CDC42SE2: variants seen among roughly 807,000 people sequenced by gnomAD.
The protein encoded by CDC42SE2 is CDC42 small effector 2, also known as CDC42 small effector protein 2.
A neutral mutation model predicts 11.5 loss-of-function variants in CDC42SE2; 3 were observed. The ratio of observed to expected loss-of-function variants is 0.26; its 90% CI spans 0.12 to 0.67. CDC42SE2 has a LOEUF of 0.67. Among genes scored for constraint, CDC42SE2 ranks in the 30% least tolerant of loss-of-function variants. The pLI, the probability that CDC42SE2 is intolerant of heterozygous loss-of-function variation, is 0.80. For synonymous variants in CDC42SE2, 33 were observed against 34.8 expected, an observed-to-expected ratio of 0.95 and a Z score of 0.18; for missense variants, 82 against 106.8, an observed-to-expected ratio of 0.77 and a Z score of 1.02.
intron 1 of CDC42SE2, among the ~76,000 whole-genome samples, chr5:131,308,415 C>T (rs1309220281): frequency 6.6e-6 from 1 of 152,028 alleles, no homozygotes; most frequent in East Asian, 1.9e-4. Flanking sequence ...TTAGGATTGA[C>T]TTGGTGATGC....
At chr5:131,317,157 C>T (rs1758058911) in intron 2 of CDC42SE2, among the ~76,000 whole-genome samples, 1 of 151,970 alleles carries the variant, frequency 6.6e-6, no homozygotes, top group South Asian at 2.1e-4. Flanking sequence ...CTGCTTCCCT[C>T]TAGGATTATG....
chr5:131,222,471 C>G, the CDC42SE2 span, among the ~76,000 whole-genome samples: 1 of 152,192 alleles, frequency 6.6e-6, no homozygotes, highest in African/African-American at 2.4e-5. Flanking sequence ...GCACCTGGCA[C>G]ATTATAAGCA....
intron 2 of CDC42SE2, among the ~76,000 whole-genome samples, chr5:131,326,573 A>G (rs1758306249): frequency 1.3e-5 from 2 of 151,990 alleles, no homozygotes; most frequent in Admixed American, 1.3e-4. Context: ...TGATCAGTTG[A>G]GTGTTAATAT....
chr5:131,216,518 A>AAAAAAC, the CDC42SE2 span, among the ~76,000 whole-genome samples: 6,634 of 145,676 alleles, frequency 0.046, 365 homozygotes, highest in African/African-American at 0.12. Flanking sequence ...AAAAAAAAAA[A>AAAAAAC]AAAACATTAT....
intron 2 of CDC42SE2, among the ~76,000 whole-genome samples, chr5:131,337,916 C>T (rs559654830): frequency 1.4e-4 from 22 of 152,336 alleles, no homozygotes; most frequent in Admixed American, 2.6e-4. Flanking sequence ...CTTGCACTTC[C>T]GGGGTGAGGC....
intron 1 of CDC42SE2, among the ~76,000 whole-genome samples, chr5:131,280,675 C>T (rs1206750584): frequency 1.3e-5 from 2 of 152,072 alleles, no homozygotes; most frequent in East Asian, 3.9e-4. Flanking sequence ...ATTCAGGATT[C>T]TATGTACAGC....
At chr5:131,276,296 A>T (rs907592892) in intron 1 of CDC42SE2, among the ~76,000 whole-genome samples, 3 of 150,730 alleles carry the variant, frequency 2.0e-5, no homozygotes, top group Non-Finnish European at 3.0e-5. Flanking sequence ...AAAAAAAAAA[A>T]ATAGAAAAAT....
intron 4 of CDC42SE2, among the ~76,000 whole-genome samples, chr5:131,388,566 G>A (rs2149790685): frequency 6.6e-6 from 1 of 152,068 alleles, no homozygotes; most frequent in African/African-American, 2.4e-5. Context: ...CCTTTACTTA[G>A]TGTAAAAGAC....
intron 1 of CDC42SE2, among the ~76,000 whole-genome samples, chr5:131,250,269 A>C (rs1328462869): frequency 3.9e-5 from 6 of 152,224 alleles, no homozygotes; most frequent in African/African-American, 9.6e-5. Flanking sequence ...TCTGTGGTAC[A>C]TTTCAACAGA....
At chr5:131,302,155 C>A (rs1237834131) in intron 1 of CDC42SE2, among the ~76,000 whole-genome samples, 1 of 151,816 alleles carries the variant, frequency 6.6e-6, no homozygotes, top group African/African-American at 2.4e-5. Flanking sequence ...TACAGGCACG[C>A]GCCACTACTG....
chr5:131,333,885 G>T (rs545289053), intron 2 of CDC42SE2, among the ~76,000 whole-genome samples: 3 of 152,164 alleles, frequency 2.0e-5, no homozygotes, highest in African/African-American at 4.8e-5. Flanking sequence ...GGGTTTTCTA[G>T]ATATACAATC....
At chr5:131,239,423 C>T in the CDC42SE2 span, among the ~76,000 whole-genome samples, 2 of 151,974 alleles carry the variant, frequency 1.3e-5, no homozygotes, top group East Asian at 3.9e-4. Flanking sequence ...GGCAACAGAG[C>T]GAGACCTTGT....
intron 3 of CDC42SE2, among the ~76,000 whole-genome samples, chr5:131,384,068 C>G (rs954086940): frequency 3.9e-5 from 6 of 152,282 alleles, no homozygotes; most frequent in Admixed American, 2.6e-4. Context: ...TACAGAAAAC[C>G]TGTGTTCAGA....
In CDC42SE2 at chr5:131,351,365, T is replaced by C. The variant is rs546368145; in HGVS notation, c.-285-7844T>C. The stretch of plus-strand genomic sequence containing the variant: ...TGCCTCCCGGGTTCACGCCATTCTC[T>C]TGCCTCAGCCTCTGGAGTAGCTGGG... On this transcript the variant is annotated intron_variant, in intron 2 of 4. Transcript: ENST00000505065. Among the ~76,000 whole-genome samples, 82 of 152,284 alleles carry C rather than the reference T, an allele frequency of 5.4e-4. 1 individual carries two copies. The highest frequency in any genetic ancestry group is 9.1e-4 in the Non-Finnish European group (62 of 68,020).
At chr5:131,378,040 A>G (rs1439857712) in intron 3 of CDC42SE2, among the ~76,000 whole-genome samples, 1 of 152,204 alleles carries the variant, frequency 6.6e-6, no homozygotes, top group Non-Finnish European at 1.5e-5. Context: ...GGAAAATCAA[A>G]CTGTAAGCAA....
chr5:131,233,873 A>G, the CDC42SE2 span, among the ~76,000 whole-genome samples: 2 of 152,040 alleles, frequency 1.3e-5, no homozygotes, highest in Non-Finnish European at 2.9e-5. Context: ...TTCTGCTTTT[A>G]TTGGTGGATG....
intron 2 of CDC42SE2, among the ~76,000 whole-genome samples, chr5:131,358,025 C>T (rs527836039): frequency 6.6e-6 from 1 of 152,192 alleles, no homozygotes; most frequent in African/African-American, 2.4e-5. Flanking sequence ...AACACCCAAA[C>T]CTCCTTAGTA....
At chr5:131,314,057 T>C (rs1009000534) in intron 1 of CDC42SE2, among the ~76,000 whole-genome samples, 1 of 152,188 alleles carries the variant, frequency 6.6e-6, no homozygotes, top group African/African-American at 2.4e-5. Context: ...GGGATTCTTA[T>C]TAGAATTGTG....
intron 4 of CDC42SE2, among the ~76,000 whole-genome samples, chr5:131,389,095 C>T (rs1238403100): frequency 1.3e-5 from 2 of 152,132 alleles, no homozygotes; most frequent in Admixed American, 6.5e-5. Flanking sequence ...TTCGAACTCC[C>T]ATAGTGTTGG....
Sources: allele counts gnomAD v4.1 joint callset (sites outside exome capture counted in the v4.1 genomes callset), GRCh38; gene constraint gnomAD v4.1.1; transcripts MANE v1.5; gene names NCBI Gene and HGNC (gene_info 2026-07-23, HGNC 2026-07-21).